The following BRI3 variants were observed in gnomAD, a reference collection of about 807,000 sequenced individuals.
The protein encoded by BRI3 is brain protein I3, also known as membrane protein BRI3.
Under a neutral mutation model 12.8 loss-of-function variants are expected in BRI3, and 6 were observed. That is an observed-to-expected ratio of 0.47 (90% CI 0.26 to 0.93). BRI3 has a LOEUF of 0.93. Among genes scored for constraint, BRI3 ranks in the 40% least tolerant of loss-of-function variants. The pLI, the probability that BRI3 is intolerant of heterozygous loss-of-function variation, is 0.15. For synonymous variants in BRI3, 91 were observed against 76.1 expected (o/e 1.20, Z -1.02); for missense variants, 134 against 171.1 (o/e 0.78, Z 1.21).
downstream of BRI3, among the ~76,000 whole-genome samples, chr7:98,315,158 G>T (rs1326461498): frequency 6.6e-6 from 1 of 152,190 alleles, no homozygotes; most frequent in African/African-American, 2.4e-5. Flanking sequence ...GTCCCGCTCT[G>T]TTGCTCAGGT....
chr7:98,303,436 G>T (rs1175087889), upstream of BRI3, among the ~76,000 whole-genome samples: 1 of 152,198 alleles, frequency 6.6e-6, no homozygotes, highest in Non-Finnish European at 1.5e-5. Flanking sequence ...ACCCAGCCCG[G>T]GAGTGATGTC....
intron 2 of BRI3, among the ~76,000 whole-genome samples, chr7:98,288,522 T>C (rs890078598): frequency 1.1e-4 from 16 of 151,682 alleles, no homozygotes; most frequent in African/African-American, 3.6e-4. Flanking sequence ...GTAGAAACTT[T>C]CCTGGCAGAC....
At chr7:98,315,641 A>AATAATAATAATT in the BRI3 span, 1 of 1,055,664 alleles carries the variant, frequency 9.5e-7, no homozygotes, top group Non-Finnish European at 1.2e-6. Context: ...TAATAATAAT[A>AATAATAATAATT]ATTATATAAG....
Position 98,281,992 on chromosome 7 carries a change from C to A in BRI3, c.142+55C>A, listed in dbSNP as rs993443853. On this transcript the variant is annotated intron_variant, in intron 1 of 2. Transcript: ENST00000297290. The stretch of plus-strand genomic sequence containing the variant: ...CGGCTTCCGAGGTGGCAAGCCCGGT[C>A]GGGGGACGTGGGTCCGGAGGCGGGT... 6 of 1,291,212 alleles carry A rather than the reference C, an allele frequency of 4.6e-6. No individual in the cohort carries two copies. In the South Asian group the frequency reaches 1.5e-4, roughly 31 times the overall value. 80.0% of individuals were successfully genotyped at this position (1,291,212 alleles called of 1,614,324 possible). A position where few individuals can be genotyped will look rare whatever the true frequency, so the allele number is the denominator to read the frequency against.
chr7:98,307,320 G>A (rs1800696480), intron 1 of BRI3: 2 of 867,818 alleles, frequency 2.3e-6, no homozygotes, highest in East Asian at 1.6e-4. Flanking sequence ...TGGCCAGGCT[G>A]GTCTGGAACT....
At chr7:98,292,684 T>A (rs569236882), downstream of BRI3, 8 of 1,551,674 alleles carry the variant, frequency 5.2e-6, no homozygotes, top group South Asian at 9.5e-5. Flanking sequence ...TGAGAGTCTG[T>A]ACCTGATTCA....
chr7:98,312,416 C>A, downstream of BRI3: 1 of 797,178 alleles, frequency 1.3e-6, no homozygotes, highest in South Asian at 1.9e-5. Flanking sequence ...CTTTAAGCAC[C>A]TAGAGGATCA....
At chr7:98,282,565 C>G in intron 2 of BRI3, 112 bp downstream of exon 2, 2 of 868,564 alleles carry the variant, frequency 2.3e-6, no homozygotes, top group South Asian at 1.6e-5. Context: ...TGACTTGGAT[C>G]TTGACCAGAG....
chr7:98,286,295 C>A (rs868446283), intron 2 of BRI3, among the ~76,000 whole-genome samples: 2 of 152,222 alleles, frequency 1.3e-5, no homozygotes, highest in Non-Finnish European at 2.9e-5. Context: ...GGGAGCCCCG[C>A]GGCCTCTACT....
At chr7:98,286,563 GGGA>G (rs1437078183) in intron 2 of BRI3, among the ~76,000 whole-genome samples, 3 of 152,144 alleles carry the variant, frequency 2.0e-5, no homozygotes, top group East Asian at 3.9e-4. Context: ...GGGTTTGGAA[GGGA>G]GGAGAACTCG....
chr7:98,322,179 GGA>G, the BRI3 span, among the ~76,000 whole-genome samples: 1 of 152,056 alleles, frequency 6.6e-6, no homozygotes, highest in East Asian at 1.9e-4. Context: ...TAGAATATGG[GGA>G]GAGAGAGAAA....
chr7:98,294,688 G>A (rs1199025998), downstream of BRI3, among the ~76,000 whole-genome samples: 1 of 152,218 alleles, frequency 6.6e-6, no homozygotes, highest in Admixed American at 6.5e-5. Context: ...TCTAGTGACT[G>A]GGATGTGCTT....
At chr7:98,320,348 G>A in the BRI3 span, 1 of 1,418,724 alleles carries the variant, frequency 7.0e-7, no homozygotes, top group Non-Finnish European at 9.7e-7. Context: ...GTATTTTTTT[G>A]TTTTGAAATG....
intron 2 of BRI3, among the ~76,000 whole-genome samples, chr7:98,286,229 CTTCT>C (rs1014315654): frequency 1.3e-5 from 2 of 152,158 alleles, no homozygotes; most frequent in Non-Finnish European, 2.9e-5. Flanking sequence ...CGAGGATGGC[CTTCT>C]CCCTGGGCAG....
chr7:98,297,622 T>TCCCCTGCCCCCTTGGGAGAAGCCCC (rs1800246283), downstream of BRI3, among the ~76,000 whole-genome samples: 1 of 152,240 alleles, frequency 6.6e-6, no homozygotes, highest in Non-Finnish European at 1.5e-5. Flanking sequence ...CGGACTTGTC[T>TCCCCTGCCCCCTTGGGAGAAGCCCC]TCCAGTTCAC....
At chr7:98,304,599 G>C (rs7802794), upstream of BRI3, among the ~76,000 whole-genome samples, 57,135 of 151,974 alleles carry the variant, frequency 0.38, 12,291 homozygotes, top group Middle Eastern at 0.54. Context: ...CCAGGCTGGA[G>C]TGCAATGACA....
At chr7:98,289,147 G>A (rs531974955) in intron 2 of BRI3, among the ~76,000 whole-genome samples, 90 of 152,178 alleles carry the variant, frequency 5.9e-4, no homozygotes, top group Non-Finnish European at 9.6e-4. Context: ...TAGTAGAAAC[G>A]CGGTTTCACC....
chr7:98,299,147 C>T (rs1034872691), intron 1 of BRI3, among the ~76,000 whole-genome samples: 3 of 152,110 alleles, frequency 2.0e-5, no homozygotes, highest in Admixed American at 2.0e-4. Context: ...TCCCGAGTAG[C>T]TGGGATTACA....
downstream of BRI3, among the ~76,000 whole-genome samples, chr7:98,294,461 G>A (rs964876000): frequency 2.6e-5 from 4 of 152,222 alleles, no homozygotes; most frequent in African/African-American, 7.2e-5. Context: ...GTGTCAGAGC[G>A]TGAACAGAGC....
Sources: allele counts gnomAD v4.1 joint callset (sites outside exome capture counted in the v4.1 genomes callset), GRCh38; gene constraint gnomAD v4.1.1; transcripts MANE v1.5; gene names NCBI Gene and HGNC (gene_info 2026-07-23, HGNC 2026-07-21).